Variants in PHACTR1 observed in about 807,000 individuals in gnomAD.
PHACTR1 encodes RPEL repeat containing 1.
PHACTR1 carries 16 observed loss-of-function variants against 69.2 expected under a neutral mutation model. The observed-to-expected ratio is 0.23, with a 90% CI of 0.16 to 0.35. The LOEUF (loss-of-function observed/expected upper bound fraction) is 0.35, where lower values mean the gene tolerates loss of function less well. PHACTR1 is among the 10% of genes least tolerant of loss of function. PHACTR1 has a pLI of 1.00. For missense variants in PHACTR1, 510 were observed against 734.7 expected, an observed-to-expected ratio of 0.69 and a Z score of 3.54; for synonymous variants, 312 against 284.5, an observed-to-expected ratio of 1.10 and a Z score of -0.97.
rs571046476 is a variant in PHACTR1 at position 12,735,280 on chromosome 6, C to G, written c.104-14364C>G. Among the ~76,000 whole-genome samples the G allele has an allele frequency of 4.7e-3, 720 of 152,284 alleles. 7 individuals carry two copies. The highest frequency in any genetic ancestry group is 0.016 in the African/African-American group (685 of 41,562). ...GCAAGATCCCAAAGAGGAAGCAAGG[C>G]AGAAGCCACAAGACATTTTATGACC... On this transcript the variant is annotated intron_variant, in intron 3 of 14. Transcript: ENST00000332995.
intron 9 of PHACTR1, 33 bp downstream of exon 9, chr6:13,228,096 G>A (rs759246219): frequency 6.3e-7 from 1 of 1,590,206 alleles, no homozygotes; most frequent in Non-Finnish European, 8.5e-7. Flanking sequence ...CCAGGGGTGG[G>A]GAAGCATGCT....
intron 8 of PHACTR1, among the ~76,000 whole-genome samples, chr6:13,209,344 A>C (rs1322919565): frequency 6.6e-6 from 1 of 152,222 alleles, no homozygotes; most frequent in Admixed American, 6.5e-5. Context: ...TACAGAAAGA[A>C]AGAATCATTT....
In PHACTR1 at chr6:12,971,927, G is replaced by C. The variant is rs556822576; in HGVS notation, c.251-81438G>C. ...TTTACATTTTAGAAAGCTCCCTGGG[G>C]TATTATACACAGCCCCTGCTATGTA... is the stretch of plus-strand genomic sequence containing the variant. On this transcript the variant is annotated intron_variant, in intron 4 of 14. Transcript: ENST00000332995. Among the ~76,000 whole-genome samples the C allele has an allele frequency of 1.3e-3, 193 of 152,298 alleles. 1 individual carries two copies. The highest frequency in any genetic ancestry group is 1.0e-3 in the Non-Finnish European group (69 of 68,018).
At chr6:12,792,464 CAAAAAAAAAAAAA>C (rs60942588) in intron 4 of PHACTR1, among the ~76,000 whole-genome samples, 18 of 31,404 alleles carry the variant, frequency 5.7e-4, no homozygotes, top group South Asian at 4.9e-3. Flanking sequence ...AACTCCATGT[CAAAAAAAAAAAAA>C]AAAAAAAAAA....
chr6:12,816,787 AG>A (rs1775639303), intron 4 of PHACTR1, among the ~76,000 whole-genome samples: 1 of 152,236 alleles, frequency 6.6e-6, no homozygotes, highest in African/African-American at 2.4e-5. Context: ...AAAAGAATTC[AG>A]GAGTCCCATT....
intron 7 of PHACTR1, among the ~76,000 whole-genome samples, chr6:13,191,975 T>C (rs1763666655): frequency 6.6e-6 from 1 of 152,238 alleles, no homozygotes; most frequent in South Asian, 2.1e-4. Flanking sequence ...TGCTTTCTGC[T>C]CTGATTTCTA....
rs547869426 is a variant in PHACTR1, at chr6:12,990,608, G to A, written c.251-62757G>A. Among the ~76,000 whole-genome samples, 6 of 152,336 alleles carry A rather than the reference G, an allele frequency of 3.9e-5. No homozygotes were observed. In the South Asian group the frequency reaches 1.2e-3, roughly 32 times the overall value. ...TACAATTTTAGTTTTTGTAAATTTA[G>A]CAAATGTATACAATTTGCTGTCTAT... On this transcript the variant is annotated intron_variant, in intron 4 of 14. Transcript: ENST00000332995.
intron 4 of PHACTR1, among the ~76,000 whole-genome samples, chr6:13,018,911 C>T (rs868369576): frequency 1.3e-5 from 2 of 152,080 alleles, no homozygotes; most frequent in East Asian, 3.9e-4. Context: ...TAGGGTCTCA[C>T]TCTGTTGCCC....
chr6:12,745,228 G>A (rs1263026948), intron 3 of PHACTR1, among the ~76,000 whole-genome samples: 3 of 152,180 alleles, frequency 2.0e-5, no homozygotes, highest in Non-Finnish European at 2.9e-5. Flanking sequence ...GCAGTTGGAT[G>A]TATGAAGTGT....
chr6:13,194,231 T>A (rs973558339), intron 7 of PHACTR1, among the ~76,000 whole-genome samples: 2 of 152,024 alleles, frequency 1.3e-5, no homozygotes, highest in Admixed American at 1.3e-4. Flanking sequence ...AGTGAAACCC[T>A]GTCTTTACTA....
At chr6:12,858,359 A>G (rs188555821) in intron 4 of PHACTR1, among the ~76,000 whole-genome samples, 113 of 152,376 alleles carry the variant, frequency 7.4e-4, no homozygotes, top group Admixed American at 1.9e-3. Flanking sequence ...TTGTTAATTT[A>G]GAGGTAAATA....
chr6:12,995,623 T>C (rs2127613914), intron 4 of PHACTR1, among the ~76,000 whole-genome samples: 1 of 152,160 alleles, frequency 6.6e-6, no homozygotes, highest in Non-Finnish European at 1.5e-5. Context: ...TATAGATAAA[T>C]AATTATGTAT....
chr6:13,032,008 A>G (rs540199506), intron 4 of PHACTR1, among the ~76,000 whole-genome samples: 2 of 152,214 alleles, frequency 1.3e-5, no homozygotes, highest in African/African-American at 2.4e-5. Flanking sequence ...CTGTATCACT[A>G]TTCTGACCCT....
intron 4 of PHACTR1, among the ~76,000 whole-genome samples, chr6:12,953,154 C>A (rs569585289): frequency 6.6e-6 from 1 of 152,150 alleles, no homozygotes; most frequent in South Asian, 2.1e-4. Context: ...GAAACCCCGT[C>A]TCTACAAAAA....
chr6:12,838,371 C>T (rs1453135994), intron 4 of PHACTR1, among the ~76,000 whole-genome samples: 1 of 152,134 alleles, frequency 6.6e-6, no homozygotes, highest in Non-Finnish European at 1.5e-5. Context: ...CCTGTCTCCT[C>T]CTTTCCTATC....
intron 12 of PHACTR1, chr6:13,279,725 C>T (rs1474197131): frequency 3.3e-5 from 5 of 152,242 alleles, no homozygotes; most frequent in African/African-American, 1.2e-4. Flanking sequence ...ACCAGCCAGT[C>T]GCTGTCCCAC....
At chr6:12,917,690 G>T (rs1009604840) in intron 4 of PHACTR1, among the ~76,000 whole-genome samples, 3 of 152,168 alleles carry the variant, frequency 2.0e-5, no homozygotes, top group Non-Finnish European at 4.4e-5. Flanking sequence ...AGGAGTTTGA[G>T]ATTACAGTGA....
intron 4 of PHACTR1, among the ~76,000 whole-genome samples, chr6:12,854,519 A>G (rs936428406): frequency 1.3e-5 from 2 of 149,050 alleles, no homozygotes; most frequent in Admixed American, 6.8e-5. Context: ...TTGTCCAGGG[A>G]CTTCCTGAAT....
At chr6:12,987,737 G>A (rs758509583) in intron 4 of PHACTR1, among the ~76,000 whole-genome samples, 4 of 152,180 alleles carry the variant, frequency 2.6e-5, no homozygotes, top group Admixed American at 6.5e-5. Flanking sequence ...TAGGAATAGA[G>A]CGGCAGAGGT....
Sources: gnomAD v4.1 joint callset for allele counts (sites outside exome capture counted in the v4.1 genomes callset) on GRCh38, gnomAD v4.1.1 for gene constraint, MANE v1.5 for transcripts, NCBI Gene and HGNC (gene_info 2026-07-23, HGNC 2026-07-21) for gene names.